Variants in GALNTL6 observed in about 807,000 individuals in gnomAD.
The protein encoded by GALNTL6 is polypeptide N-acetylgalactosaminyltransferase like 6.
In GALNTL6, 46 loss-of-function variants were observed where a neutral mutation model predicts 73.7. That is an observed-to-expected ratio of 0.62 (90% CI 0.49 to 0.80). The LOEUF (loss-of-function observed/expected upper bound fraction) is 0.80. Among genes scored for constraint, GALNTL6 ranks in the 30% least tolerant of loss-of-function variants. GALNTL6 has a pLI of 0.00. For missense variants in GALNTL6, 604 were observed against 755.0 expected (o/e 0.80, Z 2.34); for synonymous variants, 259 against 263.7 (o/e 0.98, Z 0.17).
At chr4:172,582,190 C>T (rs1221513571) in intron 5 of GALNTL6, among the ~76,000 whole-genome samples, 1 of 152,160 alleles carries the variant, frequency 6.6e-6, no homozygotes, top group Non-Finnish European at 1.5e-5. Flanking sequence ...GGGGCTTGAC[C>T]GTGGGGGAGC....
At chr4:172,451,917 A>T (rs1401505906) in intron 5 of GALNTL6, among the ~76,000 whole-genome samples, 1 of 152,146 alleles carries the variant, frequency 6.6e-6, no homozygotes. Context: ...AGGCTGAGGC[A>T]AAAAGGTCTT....
intron 8 of GALNTL6, among the ~76,000 whole-genome samples, chr4:172,893,758 T>G (rs1746175656): frequency 6.6e-6 from 1 of 152,222 alleles, no homozygotes; most frequent in South Asian, 2.1e-4. Flanking sequence ...CACATTTTGT[T>G]GCAGCTGCAG....
intron 5 of GALNTL6, among the ~76,000 whole-genome samples, chr4:172,710,903 A>C (rs972616678): frequency 4.6e-5 from 7 of 152,272 alleles, no homozygotes; most frequent in African/African-American, 1.7e-4. Context: ...CAATTATTGA[A>C]CATTCAACAA....
chr4:172,570,411 CA>C (rs1403239872), intron 5 of GALNTL6, among the ~76,000 whole-genome samples: 1 of 152,156 alleles, frequency 6.6e-6, no homozygotes, highest in Non-Finnish European at 1.5e-5. Flanking sequence ...TTGTGTTCCT[CA>C]AAATGCATAT....
intron 2 of GALNTL6, among the ~76,000 whole-genome samples, chr4:172,186,964 G>GT (rs2110868957): frequency 6.6e-6 from 1 of 151,966 alleles, no homozygotes; most frequent in East Asian, 1.9e-4. Flanking sequence ...TTCGATATTT[G>GT]TTTTTTTAAA....
chr4:172,215,447 T>A (rs923904610), intron 2 of GALNTL6, among the ~76,000 whole-genome samples: 1 of 152,148 alleles, frequency 6.6e-6, no homozygotes, highest in Non-Finnish European at 1.5e-5. Context: ...AAGGATACTA[T>A]GTCTTCTTGG....
chr4:172,942,622 G>A (rs1380878842), intron 9 of GALNTL6, among the ~76,000 whole-genome samples: 1 of 152,070 alleles, frequency 6.6e-6, no homozygotes, highest in Non-Finnish European at 1.5e-5. Context: ...GCATATGCTT[G>A]TGCACCCACT....
At chr4:172,291,701 G>A (rs1470731669) in intron 3 of GALNTL6, among the ~76,000 whole-genome samples, 1 of 152,008 alleles carries the variant, frequency 6.6e-6, no homozygotes, top group East Asian at 1.9e-4. Flanking sequence ...TAAGTTTTCA[G>A]GCCATATCAC....
At chr4:172,633,490 A>T (rs1739504738) in intron 5 of GALNTL6, among the ~76,000 whole-genome samples, 1 of 152,170 alleles carries the variant, frequency 6.6e-6, no homozygotes, top group Non-Finnish European at 1.5e-5. Flanking sequence ...ATTTATCCCA[A>T]TGCCTGTACC....
chr4:172,452,136 C>T (rs1180795495), intron 5 of GALNTL6, among the ~76,000 whole-genome samples: 1 of 152,000 alleles, frequency 6.6e-6, no homozygotes. Flanking sequence ...GAGTGATTTC[C>T]TGATATAACT....
intron 2 of GALNTL6, among the ~76,000 whole-genome samples, chr4:172,121,181 G>A (rs1167736331): frequency 2.0e-5 from 3 of 151,904 alleles, no homozygotes; most frequent in South Asian, 4.2e-4. Context: ...TATACTTGGC[G>A]ACAAAGATTA....
intron 2 of GALNTL6, among the ~76,000 whole-genome samples, chr4:172,156,538 A>AT (rs1734271897): frequency 5.6e-5 from 4 of 71,682 alleles, no homozygotes; most frequent in African/African-American, 2.7e-4. Flanking sequence ...ACATATATAT[A>AT]TAATATATAT....
At chr4:172,204,364 C>T (rs1736045607) in intron 2 of GALNTL6, among the ~76,000 whole-genome samples, 1 of 152,130 alleles carries the variant, frequency 6.6e-6, no homozygotes, top group Non-Finnish European at 1.5e-5. Context: ...AGTATGAACA[C>T]ATTGATGCAA....
intron 5 of GALNTL6, among the ~76,000 whole-genome samples, chr4:172,755,470 T>C (rs2110800386): frequency 6.6e-6 from 1 of 152,306 alleles, no homozygotes; most frequent in Admixed American, 6.5e-5. Flanking sequence ...TCCCTGCTGT[T>C]TCCATCAGTT....
At chr4:171,960,221 T>C (rs1326954523) in intron 2 of GALNTL6, among the ~76,000 whole-genome samples, 2 of 152,164 alleles carry the variant, frequency 1.3e-5, no homozygotes, top group African/African-American at 2.4e-5. Flanking sequence ...AGTCAAATTT[T>C]ACCAAAACAA....
At chr4:172,697,251 G>T (rs1015809203) in intron 5 of GALNTL6, among the ~76,000 whole-genome samples, 4 of 152,086 alleles carry the variant, frequency 2.6e-5, no homozygotes, top group Non-Finnish European at 5.9e-5. Context: ...TGTTCATTTA[G>T]ACCAGCAATA....
intron 5 of GALNTL6, among the ~76,000 whole-genome samples, chr4:172,402,762 G>A (rs1744086311): frequency 6.6e-6 from 1 of 151,970 alleles, no homozygotes; most frequent in African/African-American, 2.4e-5. Context: ...AAACTGAGCT[G>A]TTTGATCATT....
chr4:172,633,504 A>G (rs1173811041), intron 5 of GALNTL6, among the ~76,000 whole-genome samples: 2 of 152,096 alleles, frequency 1.3e-5, no homozygotes, highest in Non-Finnish European at 2.9e-5. Context: ...CTGTACCCCC[A>G]TTGTATCTAG....
At chr4:171,834,157 T>C (rs957922152) in intron 2 of GALNTL6, among the ~76,000 whole-genome samples, 3 of 152,016 alleles carry the variant, frequency 2.0e-5, no homozygotes, top group African/African-American at 7.2e-5. Context: ...TTAATGCTTA[T>C]ATTTCAGGAA....
Sources: gnomAD v4.1 joint callset for allele counts (sites outside exome capture counted in the v4.1 genomes callset) on GRCh38, gnomAD v4.1.1 for gene constraint, MANE v1.5 for transcripts, NCBI Gene and HGNC (gene_info 2026-07-23, HGNC 2026-07-21) for gene names.